SYNE3: variants seen among roughly 807,000 people sequenced by gnomAD.
SYNE3 encodes spectrin repeat containing nuclear envelope family member 3, also known as nesprin-3.
SYNE3 carries 100 observed loss-of-function variants against 111.2 expected under a neutral mutation model. The observed-to-expected ratio is 0.90, with a 90% CI of 0.77 to 1.06. The LOEUF (loss-of-function observed/expected upper bound fraction) is 1.06. SYNE3 is among the 50% of genes least tolerant of loss of function. The pLI is 0.00. For synonymous variants in SYNE3, 547 were observed against 533.9 expected, an observed-to-expected ratio of 1.02 and a Z score of -0.34; for missense variants, 1,160 against 1,240.3, an observed-to-expected ratio of 0.94 and a Z score of 0.97.
rs1903321236 is a variant in SYNE3 at position 95,407,797 on chromosome 14, A to ACC, written c.*10028_*10029insGG. The ACC allele has an allele frequency of 6.6e-6, 1 of 152,082 alleles. No individual in the cohort carries two copies. Among genetic ancestry groups the ACC allele is most frequent in the African/African-American group, 2.4e-5 (1 of 41,350 alleles). 9.4% of individuals were successfully genotyped at this position (152,082 alleles called of 1,614,324 possible). A position where few individuals can be genotyped will look rare whatever the true frequency, so the allele number is the denominator to read the frequency against. ...CACAGACACACACACACACACACAC[A>ACC]CACCCCATGCCATTGCTTGGTCCAC... is the stretch of plus-strand genomic sequence containing the variant. On this transcript the variant is annotated 3_prime_UTR_variant, in exon 18 of 18. Coordinates refer to ENST00000682763, the MANE Select transcript of SYNE3 (RefSeq NM_152592.6).
chr14:95,459,060 G>C (rs1595215946), intron 4 of SYNE3, among the ~76,000 whole-genome samples: 1 of 152,312 alleles, frequency 6.6e-6, no homozygotes, highest in Non-Finnish European at 1.5e-5. Flanking sequence ...TTTCTGTCAA[G>C]GGCCACCCAG....
chr14:95,500,889 G>A lies in SYNE3; in HGVS notation c.-15+15707C>T, dbSNP rs181830484. On this transcript the variant is annotated intron_variant, in intron 1 of 17. Coordinates refer to ENST00000682763, the MANE Select transcript of SYNE3 (RefSeq NM_152592.6). This position sits in a 1 kb window ranked among gnomAD's most constrained non-coding sequence, Gnocchi z 4.7. ...AGTGGGGGATCGGGGGCGGTGAAGC[G>A]GGAGGGACACACGCTTGCTTCCCAC... is the stretch of plus-strand genomic sequence containing the variant. 1.7e-3 allele frequency among the ~76,000 whole-genome samples: 253 copies of A among 152,274 alleles called. No homozygotes were observed. Among genetic ancestry groups the A allele is most frequent in the African/African-American group, 5.7e-3 (237 of 41,534 alleles).
chr14:95,475,688 C>T lies in SYNE3; in HGVS notation c.134G>A (p.Trp45Ter). 6.4e-7 allele frequency: 1 copy of T among 1,573,052 alleles called. No homozygotes were observed. The highest frequency in any genetic ancestry group is 1.8e-5 in the Admixed American group (1 of 54,514). The change falls in exon 2 of 18, where the codon TGG becomes TAG. Residue 45 changes from tryptophan to a stop codon, truncating the protein, a stop_gained. Coordinates refer to ENST00000682763, the MANE Select transcript of SYNE3 (RefSeq NM_152592.6). LOFTEE classifies it high-confidence loss of function. ...CACGCCTCTGCATACCTCGGTCTCC[C>T]ACAGCCTGGCCTCCAGGGCCGCGCG... ...GPRAALEARL[W>*]ETEKICQLEP...
At chr14:95,442,201 C>T (rs1216759012) in intron 11 of SYNE3, among the ~76,000 whole-genome samples, 5 of 152,170 alleles carry the variant, frequency 3.3e-5, no homozygotes, top group Non-Finnish European at 7.3e-5. Flanking sequence ...CACTAGAGGC[C>T]GTGATGGTTG....
At chr14:95,443,803 C>G (rs192572203) in intron 10 of SYNE3, 5 of 152,412 alleles carry the variant, frequency 3.3e-5, no homozygotes, top group Admixed American at 3.3e-4. Flanking sequence ...CCCGCCACCA[C>G]GCCTGGCTAA....
In SYNE3 at chr14:95,493,712, A is replaced by G. The variant is rs537885757; in HGVS notation, c.-14-17877T>C. ...GCATCGCTGTGGGAAGCCAGCCGCC[A>G]CGGACAGCCTTAGAGGAAAATAAAG... On this transcript the variant is annotated intron_variant, in intron 1 of 17. Transcript: ENST00000682763. 2.0e-3 allele frequency among the ~76,000 whole-genome samples: 304 copies of G among 152,330 alleles called. 1 individual carries two copies. Among genetic ancestry groups the G allele is most frequent in the African/African-American group, 7.2e-3 (299 of 41,578 alleles).
At chr14:95,481,684 G>A (rs77296354) in intron 1 of SYNE3, among the ~76,000 whole-genome samples, 8,033 of 152,336 alleles carry the variant, frequency 0.053, 450 homozygotes, top group Admixed American at 0.18. Context: ...CTGTGACCCA[G>A]GGCAGAGCAG....
At chr14:95,474,084 T>G (rs1226565357) in intron 2 of SYNE3, among the ~76,000 whole-genome samples, 115 of 113,292 alleles carry the variant, frequency 1.0e-3, no homozygotes, top group Middle Eastern at 6.3e-3. Context: ...TGTGAGCTTG[T>G]GAGGTGTGAC....
chr14:95,452,314 T>C lies in SYNE3; in HGVS notation c.1207A>G (p.Ile403Val). The stretch of plus-strand genomic sequence containing the variant: ...GGCTTCAGGTTGTGAGGGAAGACGA[T>C]GAGCTCCTTCAGCTGGGCTTGCAGC... ...DRLQAQLKELIVFPHNLKPLS... is the reference protein window; with the variant it reads ...DRLQAQLKELVVFPHNLKPLS... The change falls in exon 7 of 18, where the codon ATC (isoleucine) becomes GTC (valine). Residue 403 changes from isoleucine to valine, a missense_variant. Coordinates refer to ENST00000682763, the MANE Select transcript of SYNE3 (RefSeq NM_152592.6). 1 of 1,613,578 alleles carries C rather than the reference T, an allele frequency of 6.2e-7. No homozygotes were observed. The highest frequency in any genetic ancestry group is 1.3e-5 in the African/African-American group (1 of 75,064).
chr14:95,462,827 G>A (rs1023215434), intron 4 of SYNE3, among the ~76,000 whole-genome samples: 1 of 152,220 alleles, frequency 6.6e-6, no homozygotes, highest in African/African-American at 2.4e-5. Context: ...CTACTGGGCC[G>A]CTGGTGTCTG....
chr14:95,515,705 GGGTGACCCTTCAGAGTT>G (rs1890894757), intron 1 of SYNE3, among the ~76,000 whole-genome samples: 1 of 152,214 alleles, frequency 6.6e-6, no homozygotes, highest in Non-Finnish European at 1.5e-5. Flanking sequence ...GCAGGGATAA[GGGTGACCCTTCAGAGTT>G]GAAAGGGGTG....
intron 4 of SYNE3, among the ~76,000 whole-genome samples, chr14:95,463,297 T>C (rs938972303): frequency 6.6e-6 from 1 of 152,116 alleles, no homozygotes; most frequent in Non-Finnish European, 1.5e-5. Flanking sequence ...GCGTTTTGGA[T>C]TGTGTGAGGG....
rs114245774 is a variant in SYNE3, at chr14:95,440,324, G to T, written c.1912-249C>A. On this transcript the variant is annotated intron_variant, in intron 11 of 17. Transcript: ENST00000682763. ...CGACCAAGTCTAGGTGAGGGTGGGGGAAATTGGATCTCCTGTCCACCACTG... is the reference window on the plus strand; with the variant it reads ...CGACCAAGTCTAGGTGAGGGTGGGGTAAATTGGATCTCCTGTCCACCACTG... Among the ~76,000 whole-genome samples, 707 of 152,380 alleles carry T rather than the reference G, an allele frequency of 4.6e-3. 5 individuals carry two copies. The highest frequency in any genetic ancestry group is 0.016 in the African/African-American group (671 of 41,598).
At chr14:95,454,678 G>A (rs1887300085) in intron 6 of SYNE3, among the ~76,000 whole-genome samples, 1 of 152,246 alleles carries the variant, frequency 6.6e-6, no homozygotes, top group South Asian at 2.1e-4. Flanking sequence ...TTAGAAGGAA[G>A]AGAAAACATA....
intron 15 of SYNE3, 53 bp downstream of exon 15, chr14:95,436,767 T>C: frequency 4.4e-6 from 7 of 1,590,756 alleles, no homozygotes; most frequent in Non-Finnish European, 6.0e-6. Context: ...TGGTGGCAAA[T>C]GCCTCTGTGG....
chr14:95,443,169 G>T lies in SYNE3; in HGVS notation c.1897C>A (p.Gln633Lys). The change falls in exon 11 of 18, where the codon CAG becomes AAG. Residue 633 changes from glutamine (Q) to lysine (K), a missense_variant. Gln to Lys is a moderately conservative substitution (Grantham distance 53, BLOSUM62 1). Transcript: ENST00000682763. ...CAGCCCCTTACCTCCAGAGACCTCT[G>T]CAGGGCCTGGAAGTCGGAGGAAAGC... ...DQLSSDFQAL[Q>K]RSLEDLVDRC... 1 of 1,613,934 alleles carries T rather than the reference G, an allele frequency of 6.2e-7. No homozygotes were observed. Among genetic ancestry groups the T allele is most frequent in the South Asian group, 1.1e-5 (1 of 91,038 alleles).
Position 95,432,061 on chromosome 14 carries a change from A to G in SYNE3, c.2727+18T>C. Reference sequence around the variant, plus strand: ...ACCCTGCCTGCTAGCCGTGTGGAGCAGATGGCAGACACTGTACCTTTTGGA... The same window carrying G: ...ACCCTGCCTGCTAGCCGTGTGGAGCGGATGGCAGACACTGTACCTTTTGGA... On this transcript the variant is annotated intron_variant, in intron 17 of 17. Coordinates refer to ENST00000682763, the MANE Select transcript of SYNE3 (RefSeq NM_152592.6). 6.2e-7 allele frequency: 1 copy of G among 1,610,176 alleles called. No homozygotes were observed. Among genetic ancestry groups the G allele is most frequent in the Non-Finnish European group, 8.5e-7 (1 of 1,178,040 alleles).
At position 95,455,540 on chromosome 14, in the gene SYNE3, C is replaced by A; in HGVS notation, c.974G>T (p.Gly325Val). Reference protein sequence around the residue: ...LWEEEEERLRGLLRSRGAWEQ... With the variant: ...LWEEEEERLRVLLRSRGAWEQ... ...CCAGGCTCCCCTGGACCGGAGCAGG[C>A]CCCGCAGCCGCTCCTCCTCCTCCTC... Residue 325 changes from glycine to valine, a missense_variant, in exon 6 of 18, where the codon GGC becomes GTC. Coordinates refer to ENST00000682763, the MANE Select transcript of SYNE3 (RefSeq NM_152592.6). 6.2e-7 allele frequency: 1 copy of A among 1,613,878 alleles called. No homozygotes were observed. Among genetic ancestry groups the A allele is most frequent in the Non-Finnish European group, 8.5e-7 (1 of 1,179,944 alleles).
chr14:95,489,436 T>C (rs1445182602), intron 1 of SYNE3, among the ~76,000 whole-genome samples: 1 of 152,274 alleles, frequency 6.6e-6, no homozygotes, highest in East Asian at 1.9e-4. Flanking sequence ...CTGAGCCTTT[T>C]GTTCTCATTT....
Sources: gnomAD v4.1 joint callset for allele counts (sites outside exome capture counted in the v4.1 genomes callset) on GRCh38, gnomAD v4.1.1 for gene constraint, Gnocchi (gnomAD v3.1) non-coding constraint, MANE v1.5 for transcripts, NCBI Gene and HGNC (gene_info 2026-07-23, HGNC 2026-07-21) for gene names.